The following MFSD2B variants were observed in gnomAD, a reference collection of about 807,000 sequenced individuals.
MFSD2B encodes MFSD2 lysolipid transporter B, sphingolipid.
MFSD2B carries 56 observed loss-of-function variants against 58.4 expected under a neutral mutation model. The ratio of observed to expected loss-of-function variants is 0.96; its 90% CI spans 0.77 to 1.20. The LOEUF (loss-of-function observed/expected upper bound fraction) is 1.20, where lower values mean the gene tolerates loss of function less well. Among genes scored for constraint, MFSD2B ranks in the 50% most tolerant of loss-of-function variants. The pLI, the probability that MFSD2B is intolerant of heterozygous loss-of-function variation, is 0.00. For synonymous variants in MFSD2B, 287 were observed against 294.4 expected (o/e 0.97, Z 0.26); for missense variants, 645 against 667.6 (o/e 0.97, Z 0.37).
At position 24,022,762 on chromosome 2, in the gene MFSD2B, G is replaced by A; in HGVS notation, c.979-60G>A. 1 of 1,314,144 alleles carries A rather than the reference G, an allele frequency of 7.6e-7. No individual in the cohort carries two copies. The highest frequency in any genetic ancestry group is 1.0e-6 in the Non-Finnish European group (1 of 970,082). The allele number at this position is 1,314,144 out of a possible 1,614,324, so 81.4% of individuals were successfully genotyped here. On this transcript the variant is annotated intron_variant, in intron 9 of 13. Transcript: ENST00000338315. The surrounding 1 kb of genome is among the most constrained non-coding windows in gnomAD (Gnocchi z 4.5). Reference sequence around the variant, plus strand: ...ATCCAATCTAAAAGCCAAGGCCTTGGGGTCCCAGGCAAAGGCGCTGGCAGC... The same window carrying A: ...ATCCAATCTAAAAGCCAAGGCCTTGAGGTCCCAGGCAAAGGCGCTGGCAGC...
rs141116253 is a variant in MFSD2B at position 24,022,790 on chromosome 2, G to A, written c.979-32G>A. 1.3e-5 allele frequency: 20 copies of A among 1,484,804 alleles called. 1 individual carries two copies. The highest frequency in any genetic ancestry group is 2.8e-5 in the African/African-American group (2 of 71,356). The allele number at this position is 1,484,804 out of a possible 1,614,324, so 92.0% of individuals were successfully genotyped here. ...TCCCAGGCAAAGGCGCTGGCAGCAC[G>A]GCCCTGGCGTGACGATGCTGTCTGC... On this transcript the variant is annotated intron_variant, in intron 9 of 13. Transcript: ENST00000338315. The surrounding 1 kb of genome is among the most constrained non-coding windows in gnomAD (Gnocchi z 4.5).
intron 2 of MFSD2B, 103 bp from the exon 3 acceptor site, chr2:24,016,053 C>T (rs544579672): frequency 3.7e-4 from 527 of 1,429,576 alleles, no homozygotes; most frequent in Non-Finnish European, 4.2e-4. Flanking sequence ...CTCTGCCCTC[C>T]GGTCCCGGTT....
At position 24,024,633 on chromosome 2, in the gene MFSD2B, T is replaced by G. The variant is rs1662915166; in HGVS notation, c.1490+362T>G. The stretch of plus-strand genomic sequence containing the variant: ...CCTCCAGCCTGTGCTTCCCTCAACT[T>G]CCACAGCCGCATATCACTGGCATGT... On this transcript the variant is annotated intron_variant, in intron 13 of 13. Transcript: ENST00000338315. This position sits in a 1 kb window ranked among gnomAD's most constrained non-coding sequence, Gnocchi z 4.3. 6.6e-6 allele frequency among the ~76,000 whole-genome samples: 1 copy of G among 152,012 alleles called. No homozygotes were observed. The highest frequency in any genetic ancestry group is 1.5e-5 in the Non-Finnish European group (1 of 67,990).
At chr2:24,016,560 C>T (rs776575092) in intron 3 of MFSD2B, among the ~76,000 whole-genome samples, 23 of 152,170 alleles carry the variant, frequency 1.5e-4, no homozygotes, top group Admixed American at 1.3e-3. Context: ...GAAGGCCATG[C>T]GAGGCCTCAC....
In MFSD2B at chr2:24,025,487, G is replaced by A; in HGVS notation, c.*31G>A. On this transcript the variant is annotated 3_prime_UTR_variant, in exon 14 of 14. Coordinates refer to ENST00000338315, the MANE Select transcript of MFSD2B (RefSeq NM_001346880.2). ...AGGAGGGCGACTGTGAATGGACACA[G>A]GAGCCAGCACCCTCGGGGCCTGACA... The A allele has an allele frequency of 6.5e-7, 1 of 1,534,440 alleles. No homozygotes were observed. Among genetic ancestry groups the A allele is most frequent in the Non-Finnish European group, 8.7e-7 (1 of 1,145,426 alleles).
Position 24,023,376 on chromosome 2 carries a change from A to AG in MFSD2B, c.1169+138dup. 1.1e-6 allele frequency: 1 copy of AG among 922,284 alleles called. No individual in the cohort carries two copies. Among genetic ancestry groups the AG allele is most frequent in the Non-Finnish European group, 1.7e-6 (1 of 591,500 alleles). 57.1% of individuals were successfully genotyped at this position (922,284 alleles called of 1,614,324 possible). Reference sequence around the variant, plus strand: ...CAGCTCCATCCTCAGAGCCCTCCTGAGAGGACATCAGGCAGTAGGAATGGC... The same window carrying AG: ...CAGCTCCATCCTCAGAGCCCTCCTGAGGAGGACATCAGGCAGTAGGAATGGC... On this transcript the variant is annotated intron_variant, in intron 11 of 13. Transcript: ENST00000338315. This position sits in a 1 kb window ranked among gnomAD's most constrained non-coding sequence, Gnocchi z 5.0.
chr2:24,024,441 C>A lies in MFSD2B; in HGVS notation c.1490+170C>A. 1 of 679,716 alleles carries A rather than the reference C, an allele frequency of 1.5e-6. No individual in the cohort carries two copies. The highest frequency in any genetic ancestry group is 2.4e-6 in the Non-Finnish European group (1 of 409,012). The allele number at this position is 679,716 out of a possible 1,614,324, so 42.1% of individuals were successfully genotyped here. On this transcript the variant is annotated intron_variant, in intron 13 of 13. Coordinates refer to ENST00000338315, the MANE Select transcript of MFSD2B (RefSeq NM_001346880.2). This position sits in a 1 kb window ranked among gnomAD's most constrained non-coding sequence, Gnocchi z 4.3. ...CCTGGATTTTCTTCTCCCACTCTGG[C>A]CACCCCTTCTCAGTCTTCTTCCTTT...
chr2:24,013,429 C>A lies in MFSD2B; in HGVS notation c.222+19C>A, dbSNP rs367631041. On this transcript the variant is annotated intron_variant, in intron 2 of 13. Transcript: ENST00000338315. ...AGCACAGGTAAGTGTGGGCAGTAGC[C>A]CAGTCTCTGCTGGCATCTTCCTTGG... The A allele has an allele frequency of 4.4e-6, 7 of 1,583,954 alleles. No homozygotes were observed. Among genetic ancestry groups the A allele is most frequent in the Non-Finnish European group, 6.0e-6 (7 of 1,160,620 alleles).
In MFSD2B at chr2:24,022,695, C is replaced by T; in HGVS notation, c.979-127C>T. 1 of 858,716 alleles carries T rather than the reference C, an allele frequency of 1.2e-6. No homozygotes were observed. Among genetic ancestry groups the T allele is most frequent in the Non-Finnish European group, 1.8e-6 (1 of 563,748 alleles). The allele number at this position is 858,716 out of a possible 1,614,324, so 53.2% of individuals were successfully genotyped here. ...GAATTGGGGCCAGGATTACAACATT[C>T]ATAGCCACCGGTTTGAACCAGGGGC... On this transcript the variant is annotated intron_variant, in intron 9 of 13. Coordinates refer to ENST00000338315, the MANE Select transcript of MFSD2B (RefSeq NM_001346880.2). This position sits in a 1 kb window ranked among gnomAD's most constrained non-coding sequence, Gnocchi z 4.5.
rs1402019767 is a variant in MFSD2B at position 24,017,944 on chromosome 2, A to G, written c.681+356A>G. ...CTGCTGTCCTCGCAGAGCCCTGGGTAAAGCCCTTCCTATGACCCATGCCCC... is the reference window on the plus strand; with the variant it reads ...CTGCTGTCCTCGCAGAGCCCTGGGTGAAGCCCTTCCTATGACCCATGCCCC... On this transcript the variant is annotated intron_variant, in intron 6 of 13. Coordinates refer to ENST00000338315, the MANE Select transcript of MFSD2B (RefSeq NM_001346880.2). The surrounding 1 kb of genome is among the most constrained non-coding windows in gnomAD (Gnocchi z 4.8). 6.6e-6 allele frequency among the ~76,000 whole-genome samples: 1 copy of G among 152,028 alleles called. No homozygotes were observed. Among genetic ancestry groups the G allele is most frequent in the Non-Finnish European group, 1.5e-5 (1 of 67,978 alleles).
At position 24,013,692 on chromosome 2, in the gene MFSD2B, G is replaced by A. The variant is rs533617666; in HGVS notation, c.222+282G>A. Among the ~76,000 whole-genome samples the A allele has an allele frequency of 8.3e-4, 126 of 151,950 alleles. 1 individual carries two copies. The highest frequency in any genetic ancestry group is 3.0e-3 in the African/African-American group (123 of 41,474). On this transcript the variant is annotated intron_variant, in intron 2 of 13. Coordinates refer to ENST00000338315, the MANE Select transcript of MFSD2B (RefSeq NM_001346880.2). ...AATAGACCAAGCCTGTCCAACCCGCGGCGGGACGGCTTTGAATGCGGCCCC... is the reference window on the plus strand; with the variant it reads ...AATAGACCAAGCCTGTCCAACCCGCAGCGGGACGGCTTTGAATGCGGCCCC...
intron 2 of MFSD2B, among the ~76,000 whole-genome samples, chr2:24,015,290 A>T (rs1294864231): frequency 3.3e-5 from 5 of 151,906 alleles, no homozygotes; most frequent in Non-Finnish European, 5.9e-5. Context: ...AAAAAAATTT[A>T]AAAATACAAA....
chr2:24,021,704 C>A lies in MFSD2B; in HGVS notation c.738C>A (p.Ile246=). Residue 246 remains isoleucine (I), a synonymous_variant, in exon 7 of 14, where the codon ATC becomes ATA. Coordinates refer to ENST00000338315, the MANE Select transcript of MFSD2B (RefSeq NM_001346880.2). This position sits in a 1 kb window ranked among gnomAD's most constrained non-coding sequence, Gnocchi z 5.7. The stretch of plus-strand genomic sequence containing the variant: ...TTGTAGTGACTTACCCCGTGTGCAT[C>A]AGTTTACTGTGCCTAGGGGTGAAGG... ...AVVVVTYPVC[I]SLLCLGVKER... is the part of the protein sequence containing the mutation. 6.2e-7 allele frequency: 1 copy of A among 1,613,652 alleles called. No individual in the cohort carries two copies. Among genetic ancestry groups the A allele is most frequent in the South Asian group, 1.1e-5 (1 of 90,956 alleles).
Position 24,017,875 on chromosome 2 carries a change from G to C in MFSD2B, c.681+287G>C, listed in dbSNP as rs574824872. ...CAGCCCCAGAGGAGGGGCGAGGGTG[G>C]GGAAAGCCGCAGGACAGGCTAGGGG... On this transcript the variant is annotated intron_variant, in intron 6 of 13. Transcript: ENST00000338315. This position sits in a 1 kb window ranked among gnomAD's most constrained non-coding sequence, Gnocchi z 4.8. 3.9e-5 allele frequency among the ~76,000 whole-genome samples: 6 copies of C among 152,278 alleles called. No individual in the cohort carries two copies. In the South Asian group the frequency reaches 1.2e-3, roughly 32 times the overall value.
rs1225878279 is a variant in MFSD2B, at chr2:24,022,246, G to A, written c.895-187G>A. ...TGATCACAGCTGAGCAGGTGATGAG[G>A]GTGGCCTAGGAGTGGTGTTTGTATC... is the stretch of plus-strand genomic sequence containing the variant. On this transcript the variant is annotated intron_variant, in intron 8 of 13. Transcript: ENST00000338315. The surrounding 1 kb of genome is among the most constrained non-coding windows in gnomAD (Gnocchi z 4.5). 1.3e-5 allele frequency among the ~76,000 whole-genome samples: 2 copies of A among 152,186 alleles called. No homozygotes were observed. The highest frequency in any genetic ancestry group is 1.3e-4 in the Admixed American group (2 of 15,280).
intron 2 of MFSD2B, among the ~76,000 whole-genome samples, chr2:24,015,323 G>A (rs1451620212): frequency 6.6e-6 from 1 of 151,800 alleles, no homozygotes; most frequent in Admixed American, 6.6e-5. Context: ...GTAGAGGAAC[G>A]TGCCTGTGGT....
At chr2:24,019,971 C>T (rs949702026) in intron 6 of MFSD2B, among the ~76,000 whole-genome samples, 8 of 152,238 alleles carry the variant, frequency 5.3e-5, no homozygotes, top group Non-Finnish European at 1.0e-4. Flanking sequence ...GCCTCCCATG[C>T]CTCTCTCCAA....
At position 24,021,842 on chromosome 2, in the gene MFSD2B, G is replaced by T; in HGVS notation, c.773-7G>T. On this transcript the variant is annotated splice_region_variant and splice_polypyrimidine_tract_variant and intron_variant, in intron 7 of 13. Transcript: ENST00000338315. This position sits in a 1 kb window ranked among gnomAD's most constrained non-coding sequence, Gnocchi z 5.7. ...CGAAGCCAAGGTGACACGCTTCTGCGTTGCAGACCCCTCTGCCCCAGCCTC... is the reference window on the plus strand; with the variant it reads ...CGAAGCCAAGGTGACACGCTTCTGCTTTGCAGACCCCTCTGCCCCAGCCTC... 6.2e-7 allele frequency: 1 copy of T among 1,613,864 alleles called. No homozygotes were observed. Among genetic ancestry groups the T allele is most frequent in the Non-Finnish European group, 8.5e-7 (1 of 1,179,834 alleles).
Position 24,021,587 on chromosome 2 carries a change from CGG to C in MFSD2B, c.682-60_682-59del. 6.8e-7 allele frequency: 1 copy of C among 1,481,220 alleles called. No individual in the cohort carries two copies. The highest frequency in any genetic ancestry group is 9.3e-7 in the Non-Finnish European group (1 of 1,077,728). 91.8% of individuals were successfully genotyped at this position (1,481,220 alleles called of 1,614,324 possible). On this transcript the variant is annotated intron_variant, in intron 6 of 13. Coordinates refer to ENST00000338315, the MANE Select transcript of MFSD2B (RefSeq NM_001346880.2). The surrounding 1 kb of genome is among the most constrained non-coding windows in gnomAD (Gnocchi z 5.7). ...GGGAGGCAGTACTGCCCTGCCCCTC[CGG>C]TGTCACCACCTCCAGGGGTTGAAGA...
Sources: gnomAD v4.1 joint callset for allele counts (sites outside exome capture counted in the v4.1 genomes callset) on GRCh38, gnomAD v4.1.1 for gene constraint, Gnocchi (gnomAD v3.1) non-coding constraint, MANE v1.5 for transcripts, NCBI Gene and HGNC (gene_info 2026-07-23, HGNC 2026-07-21) for gene names.